ZHX3: variants seen among roughly 807,000 people sequenced by gnomAD.
ZHX3 encodes the protein zinc fingers and homeoboxes protein 3.
Under a neutral mutation model 64.5 loss-of-function variants are expected in ZHX3, and 20 were observed. The observed-to-expected ratio is 0.31, with a 90% CI of 0.22 to 0.45. The LOEUF (loss-of-function observed/expected upper bound fraction) is 0.45, where lower values mean the gene tolerates loss of function less well. Among genes scored for constraint, ZHX3 ranks in the 20% least tolerant of loss-of-function variants. ZHX3 has a pLI of 1.00. For missense variants in ZHX3, 1,041 were observed against 1,195.8 expected (o/e 0.87, Z 1.91); for synonymous variants, 423 against 461.6 (o/e 0.92, Z 1.07).
intron 2 of ZHX3, among the ~76,000 whole-genome samples, chr20:41,209,605 T>A (rs931268672): frequency 6.6e-6 from 1 of 152,236 alleles, no homozygotes; most frequent in African/African-American, 2.4e-5. Flanking sequence ...AAGGATTCCC[T>A]ATTTAATAAA....
chr20:41,222,843 T>G (rs1328507083), intron 2 of ZHX3, among the ~76,000 whole-genome samples: 1 of 151,118 alleles, frequency 6.6e-6, no homozygotes, highest in African/African-American at 2.4e-5. Context: ...GTGGGCCAGA[T>G]AGTTTACAGG....
chr20:41,265,233 G>A (rs188605936), intron 2 of ZHX3, among the ~76,000 whole-genome samples: 13 of 142,252 alleles, frequency 9.1e-5, no homozygotes, highest in Admixed American at 2.8e-4. Flanking sequence ...ACGGAGTTTC[G>A]CTTTTGTTGG....
rs555883542 is a variant in ZHX3 at position 41,302,053 on chromosome 20, CAAAAAAAAAA to C, written c.-245+15446_-245+15455del. Among the ~76,000 whole-genome samples, 81 of 62,370 alleles carry C rather than the reference CAAAAAAAAAA, an allele frequency of 1.3e-3. 4 individuals are homozygous for C. The East Asian group carries it at 0.034, about 26-fold the overall frequency. The allele number at this position is 62,370 out of a possible 152,430, so 40.9% of individuals were successfully genotyped here. On this transcript the variant is annotated intron_variant, in intron 1 of 3. Coordinates refer to ENST00000683867, the MANE Select transcript of ZHX3 (RefSeq NM_001384317.1). ...TGGGCGACGGAGCGAGACTCCATCT[CAAAAAAAAAA>C]AAAAAAAAAAAAAAAAAAAGGAACA... is the stretch of plus-strand genomic sequence containing the variant.
intron 2 of ZHX3, among the ~76,000 whole-genome samples, chr20:41,259,630 A>G (rs1285493700): frequency 2.0e-5 from 3 of 152,112 alleles, no homozygotes; most frequent in Non-Finnish European, 4.4e-5. Flanking sequence ...CATTTTTGGT[A>G]AGATGAAGGG....
At chr20:41,261,294 T>C (rs1025944616) in intron 2 of ZHX3, among the ~76,000 whole-genome samples, 3 of 152,112 alleles carry the variant, frequency 2.0e-5, no homozygotes, top group Admixed American at 6.6e-5. Context: ...ATCTAAGATA[T>C]AAAACCTCAA....
rs116438906 is a variant in ZHX3, at chr20:41,202,847, C to T, written c.2070G>A (p.Glu690=). ...CACTGGCCAAATCCTCTTCTCCACC[C>T]TCATCCTCAGCAGCCTCCTCTTCCT... The part of the protein sequence containing the change: ...SQEEEEAAED[E]GGEEDLASEL... The change falls in exon 3 of 4, where the codon GAG becomes GAA. Residue 690 remains glutamate (E), a synonymous_variant. Coordinates refer to ENST00000683867, the MANE Select transcript of ZHX3 (RefSeq NM_001384317.1). This position sits in a 1 kb window ranked among gnomAD's most constrained non-coding sequence, Gnocchi z 7.0. The T allele has an allele frequency of 6.5e-4, 1,045 of 1,614,188 alleles. 10 individuals carry two copies. In the African/African-American group the frequency reaches 0.012, roughly 19 times the overall value.
chr20:41,209,696 G>A (rs571892774), intron 2 of ZHX3, among the ~76,000 whole-genome samples: 40 of 152,100 alleles, frequency 2.6e-4, no homozygotes, highest in Non-Finnish European at 4.0e-4. Flanking sequence ...AAATTAATTC[G>A]AGATGGATTA....
chr20:41,192,439 G>A (rs934640889), intron 3 of ZHX3, among the ~76,000 whole-genome samples: 3 of 152,254 alleles, frequency 2.0e-5, no homozygotes, highest in Non-Finnish European at 2.9e-5. Flanking sequence ...GGGAGTGGCA[G>A]TGCTGTACTA....
At chr20:41,197,997 C>CT (rs1491008137) in intron 3 of ZHX3, among the ~76,000 whole-genome samples, 50 of 138,252 alleles carry the variant, frequency 3.6e-4, no homozygotes, top group South Asian at 7.1e-4. Context: ...TTAACTAGTG[C>CT]TCTTTTTTTT....
chr20:41,265,573 CT>C (rs1275329578), intron 2 of ZHX3, among the ~76,000 whole-genome samples: 1 of 152,106 alleles, frequency 6.6e-6, no homozygotes, highest in Non-Finnish European at 1.5e-5. Flanking sequence ...GGTCCTCAAG[CT>C]TGAGTGCACA....
rs576598041 is a variant in ZHX3 at position 41,258,261 on chromosome 20, C to T, written c.-151+10729G>A. Reference sequence around the variant, plus strand: ...AGAGTTACAGAAAAGTTGCAAAAATCGTACAGAGTTTCCATATATCCTGGC... The same window carrying T: ...AGAGTTACAGAAAAGTTGCAAAAATTGTACAGAGTTTCCATATATCCTGGC... On this transcript the variant is annotated intron_variant, in intron 2 of 3. Coordinates refer to ENST00000683867, the MANE Select transcript of ZHX3 (RefSeq NM_001384317.1). Among the ~76,000 whole-genome samples the T allele has an allele frequency of 4.6e-4, 70 of 152,260 alleles. No homozygotes were observed. The South Asian group carries it at 0.014, about 31-fold the overall frequency.
intron 2 of ZHX3, among the ~76,000 whole-genome samples, chr20:41,243,626 T>C (rs377435607): frequency 1.3e-5 from 2 of 152,156 alleles, no homozygotes; most frequent in South Asian, 2.1e-4. Context: ...CTGGGCTGAC[T>C]CCACTATGTG....
chr20:41,193,638 G>A (rs1379041291), intron 3 of ZHX3, among the ~76,000 whole-genome samples: 2 of 150,400 alleles, frequency 1.3e-5, no homozygotes, highest in Admixed American at 6.6e-5. Context: ...GCTTTGCCAA[G>A]TTCATTTATT....
At position 41,191,929 on chromosome 20, in the gene ZHX3, T is replaced by C. The variant is rs539411225; in HGVS notation, c.2861-6728A>G. ...CCTGTCTTTGGACCTCAGAGGAGCA[T>C]ACAATGGCACCAGTGTTAGTGGGTT... On this transcript the variant is annotated intron_variant, in intron 3 of 3. Transcript: ENST00000683867. Among the ~76,000 whole-genome samples, 100 of 152,296 alleles carry C rather than the reference T, an allele frequency of 6.6e-4. 1 individual carries two copies. Among genetic ancestry groups the C allele is most frequent in the African/African-American group, 2.1e-3 (87 of 41,558 alleles).
chr20:41,207,980 A>C (rs1346764152), intron 2 of ZHX3, among the ~76,000 whole-genome samples: 1 of 152,244 alleles, frequency 6.6e-6, no homozygotes, highest in Non-Finnish European at 1.5e-5. Flanking sequence ...GAAGAATCAA[A>C]TAGACACAAT....
rs2040723956 is a variant in ZHX3, at chr20:41,232,964, G to A, written c.-150-27898C>T. ...CAGAGTCAGGAGAAACTTACACAAG[G>A]CTGGTCTTAGGGTTCGTTTAATCGC... On this transcript the variant is annotated intron_variant, in intron 2 of 3. Transcript: ENST00000683867. This position sits in a 1 kb window ranked among gnomAD's most constrained non-coding sequence, Gnocchi z 5.0. 6.6e-6 allele frequency among the ~76,000 whole-genome samples: 1 copy of A among 152,168 alleles called. No homozygotes were observed. The highest frequency in any genetic ancestry group is 2.4e-5 in the African/African-American group (1 of 41,438).
chr20:41,305,790 A>T (rs145291419), intron 1 of ZHX3, among the ~76,000 whole-genome samples: 10,740 of 151,894 alleles, frequency 0.071, 404 homozygotes, highest in Middle Eastern at 0.17. Flanking sequence ...TCTCAAAAAA[A>T]ATATAAATAA....
chr20:41,312,361 C>T (rs1181970975), intron 1 of ZHX3, among the ~76,000 whole-genome samples: 1 of 152,172 alleles, frequency 6.6e-6, no homozygotes, highest in African/African-American at 2.4e-5. Flanking sequence ...GCAACCCACT[C>T]GTGTTCCCTT....
rs745593959 is a variant in ZHX3 at position 41,257,810 on chromosome 20, ACCATGCTAG to A, written c.-151+11171_-151+11179del. On this transcript the variant is annotated intron_variant, in intron 2 of 3. Transcript: ENST00000683867. ...GTATTTTTAGTAGAGACGGGGTTTC[ACCATGCTAG>A]CCAGGCTGGTCTCGAACTCCTGACC... 1.2e-4 allele frequency among the ~76,000 whole-genome samples: 17 copies of A among 144,808 alleles called. 2 individuals carry two copies. Among genetic ancestry groups the A allele is most frequent in the Non-Finnish European group, 1.9e-4 (13 of 67,064 alleles). The allele number at this position is 144,808 out of a possible 152,430, so 95.0% of individuals were successfully genotyped here.
Sources: allele counts gnomAD v4.1 joint callset (sites outside exome capture counted in the v4.1 genomes callset), GRCh38; gene constraint gnomAD v4.1.1; non-coding constraint Gnocchi (gnomAD v3.1); transcripts MANE v1.5; gene names NCBI Gene and HGNC (gene_info 2026-07-23, HGNC 2026-07-21).